Variants in HSD17B12 observed in about 807,000 individuals in gnomAD.
The protein encoded by HSD17B12 is hydroxysteroid 17-beta dehydrogenase 12.
A neutral mutation model predicts 39.3 loss-of-function variants in HSD17B12; 32 were observed. That is an observed-to-expected ratio of 0.81 (90% CI 0.61 to 1.09). HSD17B12 has a LOEUF of 1.09. HSD17B12 is among the 50% of genes least tolerant of loss of function. The pLI is 0.00. For synonymous variants in HSD17B12, 150 were observed against 146.7 expected (o/e 1.02, Z -0.16); for missense variants, 342 against 382.9 (o/e 0.89, Z 0.89).
the HSD17B12 span, among the ~76,000 whole-genome samples, chr11:43,586,137 A>G: frequency 6.6e-6 from 1 of 152,198 alleles, no homozygotes; most frequent in Non-Finnish European, 1.5e-5. Context: ...TCACTACCAC[A>G]TAATACAGCT....
intron 9 of HSD17B12, among the ~76,000 whole-genome samples, chr11:43,842,954 T>C (rs981569329): frequency 6.6e-6 from 1 of 152,168 alleles, no homozygotes; most frequent in Non-Finnish European, 1.5e-5. Context: ...AAAGATCTTT[T>C]CTCCAGATTT....
the HSD17B12 span, among the ~76,000 whole-genome samples, chr11:43,668,854 TA>T: frequency 6.5e-3 from 977 of 149,596 alleles, 6 homozygotes; most frequent in East Asian, 0.031. Context: ...TCCAGCTAAT[TA>T]AAAAAAAAAA....
At chr11:43,837,151 G>A (rs1470066661) in intron 7 of HSD17B12, among the ~76,000 whole-genome samples, 1 of 152,154 alleles carries the variant, frequency 6.6e-6, no homozygotes, top group Non-Finnish European at 1.5e-5. Context: ...CTGGCAGATG[G>A]AGCGGGTGAC....
chr11:43,814,568 T>C (rs1394047296), intron 4 of HSD17B12, among the ~76,000 whole-genome samples: 6 of 152,158 alleles, frequency 3.9e-5, no homozygotes, highest in Non-Finnish European at 8.8e-5. Context: ...TATCTAAATA[T>C]ATATAGGTTT....
chr11:43,580,319 A>G, the HSD17B12 span, among the ~76,000 whole-genome samples: 1 of 130,856 alleles, frequency 7.6e-6, no homozygotes, highest in African/African-American at 2.9e-5. Context: ...CAGGCAGTCA[A>G]TGACGGGTTC....
At chr11:43,592,852 T>C in the HSD17B12 span, among the ~76,000 whole-genome samples, 1 of 152,030 alleles carries the variant, frequency 6.6e-6, no homozygotes, top group Admixed American at 6.6e-5. Flanking sequence ...GGGGTCAGGA[T>C]CCTTTTTTGA....
intron 4 of HSD17B12, among the ~76,000 whole-genome samples, chr11:43,811,599 A>G (rs559030117): frequency 3.9e-5 from 6 of 152,230 alleles, no homozygotes; most frequent in Admixed American, 3.3e-4. Flanking sequence ...TAACAGATAC[A>G]TAATATTTCT....
chr11:43,638,557 G>A, the HSD17B12 span, among the ~76,000 whole-genome samples: 2 of 152,140 alleles, frequency 1.3e-5, no homozygotes, highest in African/African-American at 4.8e-5. Flanking sequence ...TTATTTCTAG[G>A]AACTTGGTTT....
At chr11:43,747,310 G>A (rs1241372249) in intron 1 of HSD17B12, among the ~76,000 whole-genome samples, 1 of 152,176 alleles carries the variant, frequency 6.6e-6, no homozygotes, top group African/African-American at 2.4e-5. Context: ...TGTGCCAAGT[G>A]TTGTGGGAGT....
chr11:43,646,261 T>C, the HSD17B12 span: 1 of 152,254 alleles, frequency 6.6e-6, no homozygotes, highest in Non-Finnish European at 1.5e-5. Flanking sequence ...GCTAATATTG[T>C]TGGGTTGCTA....
chr11:43,589,034 T>G, the HSD17B12 span, among the ~76,000 whole-genome samples: 1 of 151,908 alleles, frequency 6.6e-6, no homozygotes. Flanking sequence ...GCAATTCACC[T>G]AGGATACTTT....
chr11:43,562,857 C>T, the HSD17B12 span, among the ~76,000 whole-genome samples: 1 of 152,148 alleles, frequency 6.6e-6, no homozygotes, highest in Non-Finnish European at 1.5e-5. Flanking sequence ...CCAGAAGTTC[C>T]CAACTTCAGG....
intron 3 of HSD17B12, among the ~76,000 whole-genome samples, chr11:43,780,330 T>C (rs915334127): frequency 1.5e-4 from 23 of 152,086 alleles, no homozygotes; most frequent in African/African-American, 5.6e-4. Flanking sequence ...CATGCCAGGC[T>C]AATTTTTTTA....
the HSD17B12 span, among the ~76,000 whole-genome samples, chr11:43,622,620 T>C: frequency 6.6e-6 from 1 of 152,054 alleles, no homozygotes; most frequent in African/African-American, 2.4e-5. Context: ...TACAACTAAT[T>C]GATAGAATCT....
At chr11:43,733,911 G>A (rs938601347) in intron 1 of HSD17B12, 12 of 688,672 alleles carry the variant, frequency 1.7e-5, no homozygotes, top group African/African-American at 1.1e-4. Context: ...TTGTAGTAGG[G>A]GAAGGGACTC....
At chr11:43,581,197 C>A in the HSD17B12 span, among the ~76,000 whole-genome samples, 3 of 152,102 alleles carry the variant, frequency 2.0e-5, no homozygotes, top group East Asian at 5.8e-4. This position sits in a 1 kb window ranked among gnomAD's most constrained non-coding sequence, Gnocchi z 4.9. Flanking sequence ...ACACTTCTCT[C>A]GGGGCTGAGT....
upstream of HSD17B12, chr11:43,680,627 A>G: frequency 1.7e-6 from 1 of 594,018 alleles, no homozygotes. Context: ...GAGTCAGCTA[A>G]TGGCTGACGC....
intron 4 of HSD17B12, among the ~76,000 whole-genome samples, chr11:43,801,983 T>A (rs1332289031): frequency 6.6e-6 from 1 of 151,708 alleles, no homozygotes; most frequent in East Asian, 1.9e-4. Flanking sequence ...GTTAATTTTT[T>A]TTTTTTAATT....
At chr11:43,672,601 G>T in the HSD17B12 span, among the ~76,000 whole-genome samples, 6 of 152,080 alleles carry the variant, frequency 3.9e-5, no homozygotes, top group Non-Finnish European at 8.8e-5. Flanking sequence ...AGGTTAGAGT[G>T]CAGTGGTGCG....
Sources: gnomAD v4.1 joint callset for allele counts (sites outside exome capture counted in the v4.1 genomes callset) on GRCh38, gnomAD v4.1.1 for gene constraint, Gnocchi (gnomAD v3.1) non-coding constraint, MANE v1.5 for transcripts, NCBI Gene and HGNC (gene_info 2026-07-23, HGNC 2026-07-21) for gene names.